ADPRH: variants seen among roughly 807,000 people sequenced by gnomAD.
ADPRH encodes the protein ADP-ribosylarginine hydrolase, also known as ADP-ribose-L-arginine cleaving enzyme.
In ADPRH, 27 loss-of-function variants were observed where a neutral mutation model predicts 28.8. The ratio of observed to expected loss-of-function variants is 0.94; its 90% confidence interval spans 0.69 to 1.29. The LOEUF is 1.29. Ranked by LOEUF, ADPRH falls within the 50% of genes most tolerant of loss-of-function variation. The pLI, the probability that ADPRH is intolerant of heterozygous loss-of-function variation, is 0.00. For synonymous variants in ADPRH, 161 were observed against 166.9 expected (o/e 0.96, Z 0.27); for missense variants, 419 against 444.8 (o/e 0.94, Z 0.52).
intron 2 of ADPRH, 153 bp from the exon 3 acceptor site, chr3:119,581,981 T>C (rs1335266274): frequency 7.0e-6 from 4 of 568,762 alleles, no homozygotes; most frequent in African/African-American, 1.9e-5. Context: ...GGGCTTTATA[T>C]TCCTCATAGA....
At chr3:119,585,465 G>A (rs1297402324) in intron 3 of ADPRH, among the ~76,000 whole-genome samples, 4 of 152,200 alleles carry the variant, frequency 2.6e-5, no homozygotes, top group Non-Finnish European at 1.5e-5. Context: ...CCTCATCTGA[G>A]CCCAGGGCTT....
Position 119,587,470 on chromosome 3 carries a change from C to A in ADPRH, c.666C>A (p.Tyr222Ter). 1.3e-6 allele frequency: 2 copies of A among 1,542,422 alleles called. No individual in the cohort carries two copies. Among genetic ancestry groups the A allele is most frequent in the South Asian group, 1.3e-5 (1 of 76,702 alleles). Residue 222 changes from tyrosine to a stop codon, truncating the protein, a stop_gained, in exon 5 of 5, where the codon TAC (tyrosine) becomes TAA (stop). Coordinates refer to ENST00000357003, the MANE Select transcript of ADPRH (RefSeq NM_001125.4). LOFTEE classifies it high-confidence loss of function. ...GATTTTTTCCTTTCTACAGGTCCTACTTCCAAACCAAATGGGAAAATTACC... is the reference window on the plus strand; with the variant it reads ...GATTTTTTCCTTTCTACAGGTCCTAATTCCAAACCAAATGGGAAAATTACC... ...FVEENLQHWS[Y>*]FQTKWENYLK... is the part of the protein sequence containing the mutation.
At chr3:119,582,048 C>A in intron 2 of ADPRH, 86 bp from the exon 3 acceptor site, 1 of 1,049,902 alleles carries the variant, frequency 9.5e-7, no homozygotes, top group Non-Finnish European at 1.4e-6. Flanking sequence ...GTAGTGAGTG[C>A]TCAATAAAAC....
At position 119,584,638 on chromosome 3, in the gene ADPRH, G is replaced by A. The variant is rs534820850; in HGVS notation, c.299-1647G>A. Among the ~76,000 whole-genome samples, 8 of 152,260 alleles carry A rather than the reference G, an allele frequency of 5.3e-5. No individual in the cohort carries two copies. The East Asian group carries it at 5.8e-4, about 11-fold the overall frequency. ...CTCACAAGTGGTTCTTGCCCACTTC[G>A]GCAACTTGTTAGAGCCACTTGGGCC... On this transcript the variant is annotated intron_variant, in intron 3 of 4. Coordinates refer to ENST00000357003, the MANE Select transcript of ADPRH (RefSeq NM_001125.4).
chr3:119,586,672 C>A, intron 4 of ADPRH, 27 bp downstream of exon 4: 1 of 1,606,666 alleles, frequency 6.2e-7, no homozygotes, highest in South Asian at 1.1e-5. Context: ...ACGCCCTGCT[C>A]AAACACGGTT....
At position 119,579,590 on chromosome 3, in the gene ADPRH, A is replaced by T. The variant is rs1029018865; in HGVS notation, c.-384A>T. On this transcript the variant is annotated 5_prime_UTR_variant, in exon 1 of 5. Transcript: ENST00000357003. Reference sequence around the variant, plus strand: ...GGGGCGGGCGACGGAGGTCCCGTCCACTCTCGCTTGGGTGCAGAAGGGCGC... The same window carrying T: ...GGGGCGGGCGACGGAGGTCCCGTCCTCTCTCGCTTGGGTGCAGAAGGGCGC... 1 of 152,186 alleles carries T rather than the reference A, an allele frequency of 6.6e-6. No homozygotes were observed. The highest frequency in any genetic ancestry group is 1.5e-5 in the Non-Finnish European group (1 of 68,044). 9.4% of individuals were successfully genotyped at this position (152,186 alleles called of 1,614,324 possible).
At position 119,589,601 on chromosome 3, in the gene ADPRH, A is replaced by G. The variant is rs987935832; in HGVS notation, c.*1723A>G. On this transcript the variant is annotated 3_prime_UTR_variant, in exon 5 of 5. Coordinates refer to ENST00000357003, the MANE Select transcript of ADPRH (RefSeq NM_001125.4). The stretch of plus-strand genomic sequence containing the variant: ...GTCGGGGGTAGGGGATGCAGGGAGG[A>G]TCTTAGCATTTGTTGTTTTCTAGTG... 2 of 151,994 alleles carry G rather than the reference A, an allele frequency of 1.3e-5. No individual in the cohort carries two copies. The highest frequency in any genetic ancestry group is 3.8e-4 in the East Asian group (2 of 5,196). The allele number at this position is 151,994 out of a possible 1,614,324, so 9.4% of individuals were successfully genotyped here. A position where few individuals can be genotyped will look rare whatever the true frequency, so the allele number is the denominator to read the frequency against.
rs909833615 is a variant in ADPRH at position 119,580,553 on chromosome 3, G to T, written c.-120G>T. ...TTCGTCGTTTACTCCTTCTCCAGGG[G>T]CTCTCCAGCCTGCATTCCATGGCCA... On this transcript the variant is annotated splice_region_variant and 5_prime_UTR_variant, in exon 2 of 5. Coordinates refer to ENST00000357003, the MANE Select transcript of ADPRH (RefSeq NM_001125.4). The T allele has an allele frequency of 5.3e-5, 8 of 152,204 alleles. No homozygotes were observed. Among genetic ancestry groups the T allele is most frequent in the Admixed American group, 3.3e-4 (5 of 15,284 alleles). 9.4% of individuals were successfully genotyped at this position (152,204 alleles called of 1,614,324 possible).
In ADPRH at chr3:119,587,484, G is replaced by T; in HGVS notation, c.680G>T (p.Trp227Leu). The stretch of plus-strand genomic sequence containing the variant: ...TACAGGTCCTACTTCCAAACCAAAT[G>T]GGAAAATTACCTAAAACTTAGAGGG... ...LQHWSYFQTK[W>L]ENYLKLRGIL... is the part of the protein sequence containing the mutation. Residue 227 changes from tryptophan to leucine, a missense_variant, in exon 5 of 5, where the codon TGG becomes TTG. Physicochemically the swap from Trp to Leu is moderately conservative, Grantham distance 61. Transcript: ENST00000357003. The T allele has an allele frequency of 6.4e-7, 1 of 1,551,800 alleles. No homozygotes were observed. The highest frequency in any genetic ancestry group is 1.3e-5 in the South Asian group (1 of 78,992).
At position 119,587,748 on chromosome 3, in the gene ADPRH, G is replaced by A. The variant is rs1192491166; in HGVS notation, c.944G>A (p.Gly315Glu). The change falls in exon 5 of 5, where the codon GGA becomes GAA. Residue 315 changes from glycine to glutamate, a missense_variant. By Grantham distance (98) the Gly-to-Glu change is moderately conservative (BLOSUM62 -2). Transcript: ENST00000357003. The part of the protein sequence containing the change: ...STAAIAGCWW[G>E]VMYGFKGVSP... Reference sequence around the variant, plus strand: ...GCTGCCATTGCTGGCTGCTGGTGGGGAGTTATGTATGGTTTTAAAGGAGTG... The same window carrying A: ...GCTGCCATTGCTGGCTGCTGGTGGGAAGTTATGTATGGTTTTAAAGGAGTG... The A allele has an allele frequency of 1.2e-6, 2 of 1,614,194 alleles. No homozygotes were observed. Among genetic ancestry groups the A allele is most frequent in the Non-Finnish European group, 1.7e-6 (2 of 1,180,034 alleles).
At chr3:119,585,113 A>G (rs755986272) in intron 3 of ADPRH, among the ~76,000 whole-genome samples, 5 of 152,164 alleles carry the variant, frequency 3.3e-5, no homozygotes, top group Admixed American at 6.5e-5. Context: ...TCCCATCACC[A>G]TACCAAGGGG....
At chr3:119,586,174 G>T in intron 3 of ADPRH, 111 bp from the exon 4 acceptor site, 1 of 1,482,528 alleles carries the variant, frequency 6.7e-7, no homozygotes, top group Admixed American at 2.0e-5. Context: ...CATATTTTTT[G>T]GCTCTCCCTT....
chr3:119,586,131 G>C (rs999648770), intron 3 of ADPRH, among the ~76,000 whole-genome samples, 154 bp from the exon 4 acceptor site: 1 of 152,226 alleles, frequency 6.6e-6, no homozygotes, highest in African/African-American at 2.4e-5. Context: ...GCACATTGTT[G>C]GGTGGGGTTT....
rs766045262 is a variant in ADPRH at position 119,587,515 on chromosome 3, G to A, written c.711G>A (p.Leu237=). The A allele has an allele frequency of 2.5e-6, 4 of 1,592,186 alleles. No individual in the cohort carries two copies. The highest frequency in any genetic ancestry group is 3.5e-5 in the Admixed American group (2 of 57,406). Residue 237 remains leucine, a synonymous_variant, in exon 5 of 5, where the codon TTG becomes TTA. Transcript: ENST00000357003. Reference sequence around the variant, plus strand: ...ATTACCTAAAACTTAGAGGGATTTTGGATGGAGAATCAGCCCCTACCTTCC... The same window carrying A: ...ATTACCTAAAACTTAGAGGGATTTTAGATGGAGAATCAGCCCCTACCTTCC... The part of the protein sequence containing the change: ...WENYLKLRGI[L]DGESAPTFPE...
rs1248238824 is a variant in ADPRH, at chr3:119,589,068, T to G, written c.*1190T>G. 6.6e-6 allele frequency: 1 copy of G among 152,280 alleles called. No individual in the cohort carries two copies. The highest frequency in any genetic ancestry group is 2.4e-5 in the African/African-American group (1 of 41,462). The allele number at this position is 152,280 out of a possible 1,614,324, so 9.4% of individuals were successfully genotyped here. Reference sequence around the variant, plus strand: ...GTCTACCTGATAATAAATTCTTACTTGTCCTTCAAGACCCAACTCAGATAG... The same window carrying G: ...GTCTACCTGATAATAAATTCTTACTGGTCCTTCAAGACCCAACTCAGATAG... On this transcript the variant is annotated 3_prime_UTR_variant, in exon 5 of 5. Transcript: ENST00000357003.
At chr3:119,586,746 C>T in intron 4 of ADPRH, 101 bp downstream of exon 4, 1 of 1,498,784 alleles carries the variant, frequency 6.7e-7, no homozygotes, top group Non-Finnish European at 8.9e-7. Context: ...CAGCAACCCT[C>T]ATGGTTTTCA....
At chr3:119,583,782 A>AT (rs546565439) in intron 3 of ADPRH, among the ~76,000 whole-genome samples, 65 of 146,394 alleles carry the variant, frequency 4.4e-4, no homozygotes, top group South Asian at 1.1e-3. Flanking sequence ...TTAAAAAAAA[A>AT]TTTTTTTTTT....
chr3:119,582,052 A>G (rs955598449), intron 2 of ADPRH, 82 bp from the exon 3 acceptor site: 2 of 1,148,042 alleles, frequency 1.7e-6, no homozygotes, highest in African/African-American at 1.6e-5. Flanking sequence ...TGAGTGCTCA[A>G]TAAAACATAG....
Position 119,582,392 on chromosome 3 carries a change from A to T in ADPRH, c.223A>T (p.Lys75Ter), listed in dbSNP as rs769553018. The change falls in exon 3 of 5, where the codon AAG becomes TAG. Residue 75 changes from lysine to a stop codon, truncating the protein, a stop_gained. Transcript: ENST00000357003. LOFTEE classifies it high-confidence loss of function. Reference sequence around the variant, plus strand: ...TCTTGTGGAAGCTGGGAAAGCCCCTAAGTTGACTCAACTGTATTACCTCCT... The same window carrying T: ...TCTTGTGGAAGCTGGGAAAGCCCCTTAGTTGACTCAACTGTATTACCTCCT... ...EALVEAGKAP[K>*]LTQLYYLLAK... 5 of 1,614,014 alleles carry T rather than the reference A, an allele frequency of 3.1e-6. No homozygotes were observed. In the African/African-American group the frequency reaches 5.3e-5, roughly 17 times the overall value.
Sources: gnomAD v4.1 joint callset for allele counts (sites outside exome capture counted in the v4.1 genomes callset) on GRCh38, gnomAD v4.1.1 for gene constraint, MANE v1.5 for transcripts, NCBI Gene and HGNC (gene_info 2026-07-23, HGNC 2026-07-21) for gene names.